The following RFX7 variants were observed in gnomAD, a reference collection of about 807,000 sequenced individuals.
The protein encoded by RFX7 is regulatory factor X7.
Under a neutral mutation model 111.8 loss-of-function variants are expected in RFX7, and 26 were observed. That is an observed-to-expected ratio of 0.23 (90% CI 0.17 to 0.32). The LOEUF (loss-of-function observed/expected upper bound fraction) is 0.32. Among genes scored for constraint, RFX7 ranks in the 10% least tolerant of loss-of-function variants. The probability of loss-of-function intolerance (pLI) is 1.00; values close to 1 mark genes in which losing one functional copy is unlikely to be tolerated. For missense variants in RFX7, 1,573 were observed against 1,772.9 expected (o/e 0.89, Z 2.02); for synonymous variants, 624 against 624.4 (o/e 1.00, Z 0.01).
intron 3 of RFX7, among the ~76,000 whole-genome samples, chr15:56,145,325 T>A (rs1346198211): frequency 2.0e-5 from 3 of 152,168 alleles, no homozygotes; most frequent in African/African-American, 7.2e-5. Flanking sequence ...TTACTGGCAT[T>A]CCTGGTAGAA....
At chr15:56,183,354 T>C (rs1339631348) in intron 2 of RFX7, among the ~76,000 whole-genome samples, 5 of 152,128 alleles carry the variant, frequency 3.3e-5, no homozygotes, top group African/African-American at 1.2e-4. Flanking sequence ...AGAAATCCTA[T>C]CTAGCTAAGG....
chr15:56,138,925 A>T (rs2042346527), intron 5 of RFX7, among the ~76,000 whole-genome samples: 1 of 152,122 alleles, frequency 6.6e-6, no homozygotes, highest in Non-Finnish European at 1.5e-5. Flanking sequence ...CTTGTCTTTA[A>T]GAATGTTGAA....
At chr15:56,125,729 A>G (rs2042135930) in intron 5 of RFX7, among the ~76,000 whole-genome samples, 2 of 152,056 alleles carry the variant, frequency 1.3e-5, no homozygotes, top group South Asian at 4.1e-4. Flanking sequence ...TTAAAAAAGC[A>G]TGATATTTTT....
Position 56,087,893 on chromosome 15 carries a change from A to G in RFX7, c.*5452T>C, listed in dbSNP as rs1315827547. On this transcript the variant is annotated 3_prime_UTR_variant, in exon 10 of 10. Coordinates refer to ENST00000559447, the MANE Select transcript of RFX7 (RefSeq NM_022841.7). ...CATTTTAAGTGATTTAAACATAAAT[A>G]TGACTAGAGTATACCTGTATGAAAT... is the stretch of plus-strand genomic sequence containing the variant. 3.3e-6 allele frequency: 1 copy of G among 304,858 alleles called. No individual in the cohort carries two copies. 18.9% of individuals were successfully genotyped at this position (304,858 alleles called of 1,614,324 possible).
intron 2 of RFX7, among the ~76,000 whole-genome samples, chr15:56,228,269 T>C (rs2141226088): frequency 6.6e-6 from 1 of 152,264 alleles, no homozygotes; most frequent in Non-Finnish European, 1.5e-5. Flanking sequence ...CAAGTTATTA[T>C]TACTTCAAAT....
intron 5 of RFX7, among the ~76,000 whole-genome samples, chr15:56,126,177 A>G (rs2042142442): frequency 6.6e-6 from 1 of 152,246 alleles, no homozygotes; most frequent in Admixed American, 6.5e-5. Context: ...TTAGTTTCCT[A>G]GTATCAGTGA....
At chr15:56,174,852 C>G (rs1217573712) in intron 3 of RFX7, among the ~76,000 whole-genome samples, 1 of 151,518 alleles carries the variant, frequency 6.6e-6, no homozygotes, top group Non-Finnish European at 1.5e-5. Context: ...CGTCCATGAA[C>G]AAGCTAATGT....
At chr15:56,244,627 C>G (rs1409848980), upstream of RFX7, among the ~76,000 whole-genome samples, 3 of 142,484 alleles carry the variant, frequency 2.1e-5, no homozygotes, top group African/African-American at 7.7e-5. Context: ...CTTTATACCG[C>G]TCCCAATTCC....
At chr15:56,154,616 T>A (rs1038369543) in intron 3 of RFX7, among the ~76,000 whole-genome samples, 1 of 151,960 alleles carries the variant, frequency 6.6e-6, no homozygotes, top group Non-Finnish European at 1.5e-5. Flanking sequence ...CTTACACCTT[T>A]TACAAAAATC....
chr15:56,101,157 C>T (rs1567007158), intron 8 of RFX7, among the ~76,000 whole-genome samples: 3 of 152,104 alleles, frequency 2.0e-5, no homozygotes, highest in African/African-American at 7.2e-5. Context: ...TATATAGAAA[C>T]ATAGCATTAA....
At chr15:56,219,435 T>C (rs1233514234) in intron 2 of RFX7, among the ~76,000 whole-genome samples, 1 of 152,192 alleles carries the variant, frequency 6.6e-6, no homozygotes, top group African/African-American at 2.4e-5. Context: ...TAAATTGCTA[T>C]GTCACAGGGA....
rs149915009 is a variant in RFX7, at chr15:56,212,477, G to A, written c.161+30648C>T. Among the ~76,000 whole-genome samples the A allele has an allele frequency of 2.0e-4, 31 of 152,148 alleles. 1 individual carries two copies. Among genetic ancestry groups the A allele is most frequent in the Middle Eastern group, 6.8e-3 (2 of 292 alleles). On this transcript the variant is annotated intron_variant, in intron 2 of 9. Transcript: ENST00000559447. ...CAAACCCATAGAATGTGTAACACCCGGAGTGAAGCTTAATGTAAATTATGG... is the reference window on the plus strand; with the variant it reads ...CAAACCCATAGAATGTGTAACACCCAGAGTGAAGCTTAATGTAAATTATGG...
chr15:56,225,761 T>G (rs948053423), intron 2 of RFX7, among the ~76,000 whole-genome samples: 1 of 152,180 alleles, frequency 6.6e-6, no homozygotes, highest in Non-Finnish European at 1.5e-5. Flanking sequence ...ATAAACCTGC[T>G]TGCTGACTCA....
At chr15:56,119,184 T>C (rs2042044616) in intron 5 of RFX7, among the ~76,000 whole-genome samples, 1 of 152,244 alleles carries the variant, frequency 6.6e-6, no homozygotes, top group Non-Finnish European at 1.5e-5. Flanking sequence ...TGCAGCTTTT[T>C]AACTGCATGT....
At chr15:56,183,852 T>C (rs752568708) in intron 2 of RFX7, among the ~76,000 whole-genome samples, 37 of 152,180 alleles carry the variant, frequency 2.4e-4, no homozygotes, top group Non-Finnish European at 4.3e-4. Context: ...GTCCTTAAAA[T>C]GTCATTTCCT....
rs759595892 is a variant in RFX7 at position 56,094,750 on chromosome 15, G to A, written c.2978C>T (p.Ala993Val). 3 of 1,613,650 alleles carry A rather than the reference G, an allele frequency of 1.9e-6. No homozygotes were observed. The Admixed American group carries it at 5.0e-5, about 27-fold the overall frequency. Reference protein sequence around the residue: ...RLAQTTPVDSALGSSRHTPIG... With the variant: ...RLAQTTPVDSVLGSSRHTPIG... ...GGGTGTATGTCGGCTACTTCCTAAA[G>A]CACTATCCACAGGTGTAGTCTGGGC... Residue 993 changes from alanine (A) to valine (V), a missense_variant, in exon 10 of 10, where the codon GCT becomes GTT. By Grantham distance (64) the Ala-to-Val change is moderately conservative. Around this residue, in one of 7 missense-constraint regions of RFX7, gnomAD observed 625 missense variants for 632.2 expected, o/e 0.99. Coordinates refer to ENST00000559447, the MANE Select transcript of RFX7 (RefSeq NM_022841.7).
chr15:56,168,229 A>G (rs2042805212), intron 3 of RFX7, among the ~76,000 whole-genome samples: 1 of 152,246 alleles, frequency 6.6e-6, no homozygotes, highest in Non-Finnish European at 1.5e-5. Flanking sequence ...ACTGAATGAT[A>G]AAACATGTGA....
At chr15:56,174,061 T>C (rs919699435) in intron 3 of RFX7, among the ~76,000 whole-genome samples, 1 of 151,942 alleles carries the variant, frequency 6.6e-6, no homozygotes, top group Non-Finnish European at 1.5e-5. Context: ...GTGCATCACC[T>C]GAGGTCACGA....
intron 5 of RFX7, among the ~76,000 whole-genome samples, chr15:56,112,219 A>G (rs1225589363): frequency 2.0e-5 from 3 of 152,062 alleles, no homozygotes; most frequent in Non-Finnish European, 4.4e-5. Context: ...AAGATGGTAG[A>G]GCTCTCTTCA....
Sources: gnomAD v4.1 joint callset for allele counts (sites outside exome capture counted in the v4.1 genomes callset) on GRCh38, gnomAD v4.1.1 for gene constraint, gnomAD v4.1.1 regional missense constraint, MANE v1.5 for transcripts, NCBI Gene and HGNC (gene_info 2026-07-23, HGNC 2026-07-21) for gene names.